CFAP44: variants seen among roughly 807,000 people sequenced by gnomAD.
The protein encoded by CFAP44 is cilia and flagella associated protein 44, also known as cilia- and flagella-associated protein 44.
Under a neutral mutation model 216.2 loss-of-function variants are expected in CFAP44, and 134 were observed. The observed-to-expected ratio is 0.62, with a 90% confidence interval of 0.54 to 0.72. CFAP44 has a LOEUF of 0.72. CFAP44 is among the 30% of genes least tolerant of loss of function. The pLI is 0.00. For missense variants in CFAP44, 2,035 were observed against 2,182.1 expected, an observed-to-expected ratio of 0.93 and a Z score of 1.34; for synonymous variants, 700 against 727.6, an observed-to-expected ratio of 0.96 and a Z score of 0.61.
chr3:113,393,947 T>C (rs1267411044), intron 15 of CFAP44, among the ~76,000 whole-genome samples: 2 of 152,218 alleles, frequency 1.3e-5, no homozygotes, highest in Non-Finnish European at 2.9e-5. Flanking sequence ...GCTTCTCGTA[T>C]AGCCTGCAAA....
intron 22 of CFAP44, among the ~76,000 whole-genome samples, chr3:113,351,972 A>G (rs11914580): frequency 0.093 from 14,140 of 152,076 alleles, 877 homozygotes; most frequent in African/African-American, 0.17. Context: ...CACTACAACT[A>G]CAGGGCCCCT....
chr3:113,315,914 T>C (rs901194981), intron 28 of CFAP44, among the ~76,000 whole-genome samples: 3 of 152,238 alleles, frequency 2.0e-5, no homozygotes, highest in Admixed American at 2.0e-4. Context: ...GTGTATTAAA[T>C]GCATGTTTGA....
intron 13 of CFAP44, among the ~76,000 whole-genome samples, chr3:113,398,098 T>C (rs1934039709): frequency 1.3e-5 from 2 of 152,102 alleles, no homozygotes; most frequent in South Asian, 4.1e-4. Flanking sequence ...CAGTTGAATG[T>C]TGTTTATCCA....
intron 22 of CFAP44, among the ~76,000 whole-genome samples, chr3:113,355,549 G>T (rs1293440384): frequency 6.6e-6 from 1 of 152,142 alleles, no homozygotes; most frequent in Non-Finnish European, 1.5e-5. Context: ...AAAAAAGGAT[G>T]AGTTCATGTC....
intron 18 of CFAP44, among the ~76,000 whole-genome samples, chr3:113,366,972 T>C (rs1010167319): frequency 6.6e-6 from 1 of 151,846 alleles, no homozygotes; most frequent in Non-Finnish European, 1.5e-5. Context: ...CACAGCAGTC[T>C]GAGATCAACC....
intron 32 of CFAP44, among the ~76,000 whole-genome samples, chr3:113,301,402 A>C (rs557229530): frequency 6.6e-6 from 1 of 152,224 alleles, no homozygotes. Flanking sequence ...AAAAATGCAC[A>C]CAGATAGATG....
In CFAP44 at chr3:113,401,613, C is replaced by T; in HGVS notation, c.1297G>A (p.Glu433Lys). 2 of 1,613,302 alleles carry T rather than the reference C, an allele frequency of 1.2e-6. No homozygotes were observed. Among genetic ancestry groups the T allele is most frequent in the Non-Finnish European group, 1.7e-6 (2 of 1,179,650 alleles). ...VNLFSMIKMN[E>K]TGNNFWLAQD... ...GCCAACCAAAAGTTATTTCCAGTTT[C>T]ATTCATTTTTATCATAGAGAAGAGA... is the stretch of plus-strand genomic sequence containing the variant. Residue 433 changes from glutamate (E) to lysine (K), a missense_variant, in exon 10 of 35, where the codon GAA (glutamate) becomes AAA (lysine). This residue lies in a region of CFAP44 where 1,883 missense variants were observed against 2,023.7 expected (regional missense o/e 0.93). Coordinates refer to ENST00000393845, the MANE Select transcript of CFAP44 (RefSeq NM_001164496.2).
At chr3:113,397,844 T>G (rs1313709907) in intron 13 of CFAP44, among the ~76,000 whole-genome samples, 1 of 151,934 alleles carries the variant, frequency 6.6e-6, no homozygotes, top group African/African-American at 2.4e-5. Flanking sequence ...GAGGGATGAT[T>G]GGGGATGTGC....
At chr3:113,414,284 A>G (rs1934579573) in intron 6 of CFAP44, among the ~76,000 whole-genome samples, 1 of 152,198 alleles carries the variant, frequency 6.6e-6, no homozygotes, top group Non-Finnish European at 1.5e-5. Flanking sequence ...TTTTCTAAAT[A>G]TAAAGTCATG....
intron 28 of CFAP44, among the ~76,000 whole-genome samples, chr3:113,310,918 C>A (rs1226302722): frequency 6.6e-6 from 1 of 152,196 alleles, no homozygotes; most frequent in Non-Finnish European, 1.5e-5. Context: ...TAAGGCCTCC[C>A]CAGAAGCAGG....
At chr3:113,407,386 T>A (rs530770100) in intron 7 of CFAP44, among the ~76,000 whole-genome samples, 1 of 152,348 alleles carries the variant, frequency 6.6e-6, no homozygotes, top group South Asian at 2.1e-4. Flanking sequence ...AGTGTTTCAG[T>A]CACACTAGCC....
In CFAP44 at chr3:113,327,705, C is replaced by A. The variant is rs961180891; in HGVS notation, c.4231G>T (p.Glu1411Ter). ...SDLHHVTLFQEILLLKNFEKQ... is the reference protein window; with the variant it reads ...SDLHHVTLFQ The stretch of plus-strand genomic sequence containing the variant: ...TCAAAATTCTTCAGGAGAAGTATTT[C>A]TTGAAATAAGGTGACATGGTGCAGG... The change falls in exon 27 of 35, where the codon GAA (glutamate) becomes TAA (stop). Residue 1411 changes from glutamate to a stop codon, truncating the protein, a stop_gained. Coordinates refer to ENST00000393845, the MANE Select transcript of CFAP44 (RefSeq NM_001164496.2). LOFTEE classifies it high-confidence loss of function. 14 of 1,536,828 alleles carry A rather than the reference C, an allele frequency of 9.1e-6. No homozygotes were observed. Among genetic ancestry groups the A allele is most frequent in the Non-Finnish European group, 1.2e-5 (14 of 1,146,720 alleles).
intron 22 of CFAP44, among the ~76,000 whole-genome samples, chr3:113,353,114 C>T (rs112773870): frequency 3.3e-5 from 5 of 152,252 alleles, no homozygotes; most frequent in African/African-American, 1.2e-4. Flanking sequence ...GCTGTGGGCA[C>T]TTGATCCCTG....
intron 17 of CFAP44, 63 bp from the exon 18 acceptor site, chr3:113,373,619 A>G: frequency 7.6e-7 from 1 of 1,322,890 alleles, no homozygotes. Context: ...AATGCATGAG[A>G]ATTTTTTGAT....
At chr3:113,334,653 A>G (rs1423185760) in intron 24 of CFAP44, among the ~76,000 whole-genome samples, 1 of 152,188 alleles carries the variant, frequency 6.6e-6, no homozygotes, top group African/African-American at 2.4e-5. Context: ...TAGCAAAATT[A>G]ATTAAAGGAT....
rs555534100 is a variant in CFAP44 at position 113,349,594 on chromosome 3, C to T, written c.3066-4882G>A. On this transcript the variant is annotated intron_variant, in intron 22 of 34. Coordinates refer to ENST00000393845, the MANE Select transcript of CFAP44 (RefSeq NM_001164496.2). ...CAATGAGAAACAAGCTGCTCCCTTG[C>T]CCATGTCCACTATCCCGAGGCAATT... Among the ~76,000 whole-genome samples the T allele has an allele frequency of 1.3e-4, 20 of 152,306 alleles. No individual in the cohort carries two copies. The South Asian group carries it at 3.7e-3, about 29-fold the overall frequency.
intron 28 of CFAP44, among the ~76,000 whole-genome samples, chr3:113,320,082 A>T (rs1019969419): frequency 1.3e-5 from 2 of 152,160 alleles, no homozygotes; most frequent in Admixed American, 1.3e-4. Flanking sequence ...GAATTCTGAA[A>T]TTGAATCAGT....
chr3:113,362,603 A>G (rs1484477226), intron 21 of CFAP44, among the ~76,000 whole-genome samples: 1 of 152,204 alleles, frequency 6.6e-6, no homozygotes, highest in Non-Finnish European at 1.5e-5. Context: ...ACCTCTGGTA[A>G]GATCCATAGT....
intron 6 of CFAP44, among the ~76,000 whole-genome samples, chr3:113,413,734 C>T (rs541744875): frequency 2.6e-5 from 4 of 152,116 alleles, no homozygotes; most frequent in African/African-American, 9.7e-5. Flanking sequence ...TGTTTTGGTA[C>T]CAGTACCATG....
Sources: allele counts gnomAD v4.1 joint callset (sites outside exome capture counted in the v4.1 genomes callset), GRCh38; gene constraint gnomAD v4.1.1; regional missense constraint gnomAD v4.1.1; transcripts MANE v1.5; gene names NCBI Gene and HGNC (gene_info 2026-07-23, HGNC 2026-07-21).